SRRM3: variants seen among roughly 807,000 people sequenced by gnomAD.
SRRM3 encodes serine/arginine repetitive matrix protein 3.
SRRM3 carries 27 observed loss-of-function variants against 66.2 expected under a neutral mutation model. The ratio of observed to expected loss-of-function variants is 0.41; its 90% CI spans 0.30 to 0.56. The LOEUF is 0.56. SRRM3 is among the 20% of genes least tolerant of loss of function. The pLI is 0.32. For synonymous variants in SRRM3, 391 were observed against 414.9 expected (o/e 0.94, Z 0.70); for missense variants, 918 against 991.9 (o/e 0.93, Z 1.00).
At chr7:76,244,368 T>G (rs1801384104) in intron 2 of SRRM3, among the ~76,000 whole-genome samples, 1 of 151,660 alleles carries the variant, frequency 6.6e-6, no homozygotes, top group South Asian at 2.1e-4. Flanking sequence ...CTACTAAAAC[T>G]ACAAAAATTA....
rs1554612668 is a variant in SRRM3 at position 76,285,665 on chromosome 7, C to A, written c.1784C>A (p.Ser595Tyr). Reference sequence around the variant, plus strand: ...TACCGGCCCAGCCCCTCTTCCTCCTCCAGCTGCTTGAGCAGCGACTACTCG... The same window carrying A: ...TACCGGCCCAGCCCCTCTTCCTCCTACAGCTGCTTGAGCAGCGACTACTCG... ...PYYRPSPSSS[S>Y]SCLSSDYSTR... The change falls in exon 15 of 15, where the codon TCC (serine) becomes TAC (tyrosine). Residue 595 changes from serine to tyrosine, a missense_variant. By Grantham distance (144) the Ser-to-Tyr change is moderately radical. Coordinates refer to ENST00000611745, the MANE Select transcript of SRRM3 (RefSeq NM_001110199.3). The surrounding 1 kb of genome is among the most constrained non-coding windows in gnomAD (Gnocchi z 4.1). 6 of 1,551,092 alleles carry A rather than the reference C, an allele frequency of 3.9e-6. No individual in the cohort carries two copies. The highest frequency in any genetic ancestry group is 5.2e-6 in the Non-Finnish European group (6 of 1,146,944).
chr7:76,227,608 A>G (rs574810097), intron 1 of SRRM3, among the ~76,000 whole-genome samples: 1 of 152,192 alleles, frequency 6.6e-6, no homozygotes, highest in African/African-American at 2.4e-5. Flanking sequence ...AGGGCTACAG[A>G]CACTTCTCCA....
intron 2 of SRRM3, among the ~76,000 whole-genome samples, chr7:76,239,590 C>T (rs1801232383): frequency 6.6e-6 from 1 of 152,034 alleles, no homozygotes; most frequent in Admixed American, 6.6e-5. Context: ...GTGGTCCCAG[C>T]TACTCAGAAG....
At chr7:76,227,383 C>T (rs2116978166) in intron 1 of SRRM3, among the ~76,000 whole-genome samples, 1 of 152,298 alleles carries the variant, frequency 6.6e-6, no homozygotes, top group Middle Eastern at 3.4e-3. Flanking sequence ...TCCGTGTTCC[C>T]CATCACAATA....
chr7:76,275,647 A>G (rs1408119306), intron 11 of SRRM3, among the ~76,000 whole-genome samples: 1 of 152,156 alleles, frequency 6.6e-6, no homozygotes, highest in Non-Finnish European at 1.5e-5. Context: ...GTGGTCATCT[A>G]AGTCCTCAAA....
chr7:76,275,928 T>C (rs1802337571), intron 11 of SRRM3, among the ~76,000 whole-genome samples: 3 of 151,544 alleles, frequency 2.0e-5, no homozygotes, highest in Admixed American at 2.0e-4. Context: ...TAAAATAAAA[T>C]AAATAGCCAG....
rs62475351 is a variant in SRRM3, at chr7:76,235,123, G to A, written c.57G>A (p.Ala19=). Residue 19 remains alanine (A), a synonymous_variant, in exon 2 of 15, where the codon GCG becomes GCA. Coordinates refer to ENST00000611745, the MANE Select transcript of SRRM3 (RefSeq NM_001110199.3). The part of the protein sequence containing the change: ...AASMQSTPDA[A]NGFPQPSSSS... ...GCATGCAGTCCACACCCGACGCCGCGAACGGCTTCCCGCAGCCCAGCTCCT... is the reference window on the plus strand; with the variant it reads ...GCATGCAGTCCACACCCGACGCCGCAAACGGCTTCCCGCAGCCCAGCTCCT... The A allele has an allele frequency of 3.2e-6, 5 of 1,582,562 alleles. No homozygotes were observed. The highest frequency in any genetic ancestry group is 4.3e-6 in the Non-Finnish European group (5 of 1,170,572).
At chr7:76,223,401 T>A (rs1554603417) in intron 1 of SRRM3, among the ~76,000 whole-genome samples, 1 of 152,230 alleles carries the variant, frequency 6.6e-6, no homozygotes, top group South Asian at 2.1e-4. Flanking sequence ...CCAGGGAATA[T>A]GTCCCTGTCA....
Position 76,258,883 on chromosome 7 carries a change from C to A in SRRM3, c.336-1023C>A, listed in dbSNP as rs1801786746. On this transcript the variant is annotated intron_variant, in intron 3 of 14. Transcript: ENST00000611745. ...ACCAGCCTGACTAACATGGAGAAAC[C>A]CCATCTCTACTAAAAATACAAAAAT... Among the ~76,000 whole-genome samples, 6 of 150,972 alleles carry A rather than the reference C, an allele frequency of 4.0e-5. No homozygotes were observed. In the South Asian group the frequency reaches 1.3e-3, roughly 32 times the overall value.
At chr7:76,250,010 G>A (rs1359825816) in intron 3 of SRRM3, among the ~76,000 whole-genome samples, 1 of 151,540 alleles carries the variant, frequency 6.6e-6, no homozygotes, top group African/African-American at 2.4e-5. Context: ...TGATTCTCCT[G>A]TTGCAATCAT....
rs947186947 is a variant in SRRM3 at position 76,240,577 on chromosome 7, G to A, written c.233+5278G>A. On this transcript the variant is annotated intron_variant, in intron 2 of 14. Coordinates refer to ENST00000611745, the MANE Select transcript of SRRM3 (RefSeq NM_001110199.3). ...GGAGCTTGCAGTGAGCCGAGATTGC[G>A]CCACTGCACTCCAGCCTGGGCAACA... is the stretch of plus-strand genomic sequence containing the variant. Among the ~76,000 whole-genome samples, 257 of 144,382 alleles carry A rather than the reference G, an allele frequency of 1.8e-3. 2 individuals carry two copies. Among genetic ancestry groups the A allele is most frequent in the African/African-American group, 6.2e-3 (241 of 38,922 alleles). The allele number at this position is 144,382 out of a possible 152,430, so 94.7% of individuals were successfully genotyped here.
intron 3 of SRRM3, among the ~76,000 whole-genome samples, chr7:76,251,770 A>T (rs372705006): frequency 7.0e-4 from 103 of 147,726 alleles, no homozygotes; most frequent in East Asian, 2.8e-3. Context: ...ATCTCTATTT[A>T]AAAAAAAAAA....
chr7:76,216,582 G>A (rs1554602610), intron 1 of SRRM3, among the ~76,000 whole-genome samples: 3 of 152,334 alleles, frequency 2.0e-5, no homozygotes, highest in Non-Finnish European at 2.9e-5. Context: ...TGGATTTCCA[G>A]TACACTGGAG....
chr7:76,225,333 CT>C (rs1260979701), intron 1 of SRRM3, among the ~76,000 whole-genome samples: 3 of 152,160 alleles, frequency 2.0e-5, no homozygotes, highest in African/African-American at 7.2e-5. Context: ...TGCTCAAGTG[CT>C]TACTTGAAGC....
chr7:76,279,005 C>A (rs1386911234), intron 11 of SRRM3, among the ~76,000 whole-genome samples: 1 of 152,190 alleles, frequency 6.6e-6, no homozygotes, highest in East Asian at 1.9e-4. Context: ...GTAATCCCAG[C>A]ACTTTGGGAG....
intron 11 of SRRM3, 62 bp from the exon 12 acceptor site, chr7:76,281,379 G>A: frequency 2.6e-6 from 3 of 1,132,136 alleles, no homozygotes; most frequent in Non-Finnish European, 3.3e-6. Flanking sequence ...TTCTCTCTCT[G>A]TCTCTGTCTC....
chr7:76,282,528 T>A, intron 12 of SRRM3, 120 bp from the exon 13 acceptor site: 7 of 505,484 alleles, frequency 1.4e-5, no homozygotes, highest in East Asian at 8.8e-5. Flanking sequence ...CCGCGCGAAC[T>A]GACCACAAAC....
Position 76,208,760 on chromosome 7 carries a change from G to A in SRRM3, c.-40+6693G>A, listed in dbSNP as rs377016268. Reference sequence around the variant, plus strand: ...TGAGGCACGAGAATCACTTGAATCCGGGAGGTGGAAATTGCAGTGAGCTGA... The same window carrying A: ...TGAGGCACGAGAATCACTTGAATCCAGGAGGTGGAAATTGCAGTGAGCTGA... On this transcript the variant is annotated intron_variant, in intron 1 of 14. Transcript: ENST00000611745. 1.4e-3 allele frequency among the ~76,000 whole-genome samples: 215 copies of A among 149,118 alleles called. 10 individuals carry two copies. The South Asian group carries it at 0.041, about 29-fold the overall frequency.
intron 3 of SRRM3, among the ~76,000 whole-genome samples, chr7:76,258,303 G>C (rs1801763463): frequency 6.6e-6 from 1 of 152,198 alleles, no homozygotes; most frequent in African/African-American, 2.4e-5. Flanking sequence ...GGGGCAGGGA[G>C]GCACTCAGCC....
Sources: allele counts gnomAD v4.1 joint callset (sites outside exome capture counted in the v4.1 genomes callset), GRCh38; gene constraint gnomAD v4.1.1; non-coding constraint Gnocchi (gnomAD v3.1); transcripts MANE v1.5; gene names NCBI Gene and HGNC (gene_info 2026-07-23, HGNC 2026-07-21).